Variants in TAFA2 observed in about 807,000 individuals in gnomAD.
TAFA2 encodes chemokine-like protein TAFA-2.
A neutral mutation model predicts 18.8 loss-of-function variants in TAFA2; 7 were observed. The observed-to-expected ratio is 0.37, with a 90% CI of 0.21 to 0.70. TAFA2 has a LOEUF of 0.70. TAFA2 is among the 30% of genes least tolerant of loss of function. TAFA2 has a pLI of 0.53. For synonymous variants in TAFA2, 60 were observed against 54.2 expected (o/e 1.11, Z -0.47); for missense variants, 122 against 158.1 (o/e 0.77, Z 1.23).
chr12:62,018,413 C>G (rs2136724549), intron 1 of TAFA2, among the ~76,000 whole-genome samples: 1 of 152,108 alleles, frequency 6.6e-6, no homozygotes, highest in East Asian at 1.9e-4. Flanking sequence ...GGCTTAAAGA[C>G]AGTATTTTTT....
At chr12:61,834,315 G>A (rs1356939372) in intron 2 of TAFA2, among the ~76,000 whole-genome samples, 1 of 152,092 alleles carries the variant, frequency 6.6e-6, no homozygotes, top group Non-Finnish European at 1.5e-5. Context: ...TAAGCAGGAA[G>A]TCAGAAAGAT....
intron 1 of TAFA2, among the ~76,000 whole-genome samples, chr12:62,181,534 C>T (rs2062551835): frequency 6.6e-6 from 1 of 152,208 alleles, no homozygotes; most frequent in African/African-American, 2.4e-5. Context: ...CTATTACGAA[C>T]TATATTAATC....
Position 61,867,309 on chromosome 12 carries a change from G to T in TAFA2, c.106+11C>A. ...CCACATTTAGTTGAAAAAAAAAACA[G>T]AAAAGCTTACCTTTATGATGGTTTG... On this transcript the variant is annotated intron_variant, in intron 2 of 4. Coordinates refer to ENST00000416284, the MANE Select transcript of TAFA2 (RefSeq NM_178539.5). The T allele has an allele frequency of 6.9e-7, 1 of 1,455,790 alleles. No homozygotes were observed. Among genetic ancestry groups the T allele is most frequent in the Non-Finnish European group, 9.4e-7 (1 of 1,059,462 alleles). 90.2% of individuals were successfully genotyped at this position (1,455,790 alleles called of 1,614,324 possible).
chr12:62,198,881 C>T (rs559717415), intron 1 of TAFA2, among the ~76,000 whole-genome samples: 29 of 152,294 alleles, frequency 1.9e-4, no homozygotes, highest in Admixed American at 5.2e-4. Context: ...TGAATAGACA[C>T]ATGCCATGGA....
At chr12:62,025,164 G>A (rs954703764) in intron 1 of TAFA2, among the ~76,000 whole-genome samples, 3 of 152,084 alleles carry the variant, frequency 2.0e-5, no homozygotes, top group African/African-American at 4.8e-5. Context: ...ATACTCATAT[G>A]TTCATGCATG....
intron 1 of TAFA2, among the ~76,000 whole-genome samples, chr12:62,126,583 C>T (rs531183462): frequency 3.3e-5 from 5 of 152,108 alleles, no homozygotes; most frequent in South Asian, 2.1e-4. Flanking sequence ...GAGATTCTTC[C>T]GTTGTGCCAC....
intron 4 of TAFA2, among the ~76,000 whole-genome samples, chr12:61,719,326 C>T (rs1166697306): frequency 6.6e-6 from 1 of 152,162 alleles, no homozygotes; most frequent in Non-Finnish European, 1.5e-5. Context: ...AGCCATTGTT[C>T]TAGATGTCAC....
chr12:62,258,478 A>G (rs1430918197), intron 1 of TAFA2: 1 of 152,860 alleles, frequency 6.5e-6, no homozygotes, highest in Non-Finnish European at 1.5e-5. Flanking sequence ...TGGTTATGTT[A>G]TGTTTATACA....
intron 1 of TAFA2, among the ~76,000 whole-genome samples, chr12:61,902,617 C>T (rs1453478270): frequency 1.3e-5 from 2 of 152,154 alleles, no homozygotes; most frequent in Non-Finnish European, 2.9e-5. Context: ...TATTGCAGCA[C>T]CTCAGGCCCT....
At chr12:61,792,455 G>T (rs962727802) in intron 2 of TAFA2, among the ~76,000 whole-genome samples, 1 of 151,432 alleles carries the variant, frequency 6.6e-6, no homozygotes, top group African/African-American at 2.4e-5. Flanking sequence ...TAATTACTAT[G>T]ATTTGATCAT....
chr12:61,741,266 T>C (rs2120700527), intron 4 of TAFA2, among the ~76,000 whole-genome samples: 1 of 151,826 alleles, frequency 6.6e-6, no homozygotes, highest in Non-Finnish European at 1.5e-5. Context: ...CCTCTCTCTC[T>C]GCTCTGTGTG....
intron 1 of TAFA2, among the ~76,000 whole-genome samples, chr12:62,093,147 G>A (rs1028187979): frequency 1.3e-5 from 2 of 151,906 alleles, no homozygotes; most frequent in Admixed American, 6.6e-5. Context: ...CTTTTACAAT[G>A]CTTTATTGCT....
intron 1 of TAFA2, among the ~76,000 whole-genome samples, chr12:61,891,074 T>A (rs976493434): frequency 2.0e-5 from 3 of 152,150 alleles, no homozygotes; most frequent in Admixed American, 1.3e-4. Context: ...ATAAAGTAAT[T>A]AACAGAAGTA....
intron 1 of TAFA2, among the ~76,000 whole-genome samples, chr12:62,144,588 T>A (rs2062267878): frequency 6.6e-6 from 1 of 152,226 alleles, no homozygotes; most frequent in Non-Finnish European, 1.5e-5. Context: ...GCAACTCTAC[T>A]GATTTGCCTC....
At chr12:62,004,711 A>G (rs1880488140) in intron 1 of TAFA2, among the ~76,000 whole-genome samples, 1 of 152,184 alleles carries the variant, frequency 6.6e-6, no homozygotes, top group Non-Finnish European at 1.5e-5. Context: ...AATGAGTATC[A>G]TATAGATATC....
At chr12:62,095,131 A>T (rs1365434888) in intron 1 of TAFA2, among the ~76,000 whole-genome samples, 1 of 152,060 alleles carries the variant, frequency 6.6e-6, no homozygotes, top group Non-Finnish European at 1.5e-5. Flanking sequence ...CTTACTTATT[A>T]TTATACGGTC....
intron 4 of TAFA2, among the ~76,000 whole-genome samples, chr12:61,731,856 C>T (rs2120655703): frequency 6.6e-6 from 1 of 152,118 alleles, no homozygotes; most frequent in African/African-American, 2.4e-5. Context: ...ACCAGTGAAA[C>T]AGGTTATGTG....
At chr12:61,760,075 C>CTTTTTTT (rs35014156) in intron 2 of TAFA2, among the ~76,000 whole-genome samples, 1 of 137,752 alleles carries the variant, frequency 7.3e-6, no homozygotes, top group Non-Finnish European at 1.5e-5. Context: ...CTGCCCAGTG[C>CTTTTTTT]TTTTTTTTTT....
At chr12:62,224,401 G>A (rs1222919845) in intron 1 of TAFA2, among the ~76,000 whole-genome samples, 1 of 152,036 alleles carries the variant, frequency 6.6e-6, no homozygotes, top group African/African-American at 2.4e-5. Flanking sequence ...TTCTGAGTCT[G>A]GTGAGTGCCC....
Sources: allele counts gnomAD v4.1 joint callset (sites outside exome capture counted in the v4.1 genomes callset), GRCh38; gene constraint gnomAD v4.1.1; transcripts MANE v1.5; gene names NCBI Gene and HGNC (gene_info 2026-07-23, HGNC 2026-07-21).